SMTNL1: variants seen among roughly 807,000 people sequenced by gnomAD.
SMTNL1 encodes the protein smoothelin-like protein 1.
In SMTNL1, 41 loss-of-function variants were observed where a neutral mutation model predicts 46.6. That is an observed-to-expected ratio of 0.88 (90% CI 0.69 to 1.14). The LOEUF (loss-of-function observed/expected upper bound fraction) is 1.14. Among genes scored for constraint, SMTNL1 ranks in the 50% most tolerant of loss-of-function variants. The probability of loss-of-function intolerance (pLI) is 0.00; values close to 1 mark genes in which losing one functional copy is unlikely to be tolerated. For synonymous variants in SMTNL1, 234 were observed against 234.2 expected (o/e 1.00, Z 0.01); for missense variants, 591 against 626.1 (o/e 0.94, Z 0.60).
At position 57,544,207 on chromosome 11, in the gene SMTNL1, C is replaced by T. The variant is rs552012194; in HGVS notation, c.917+287C>T. Among the ~76,000 whole-genome samples the T allele has an allele frequency of 3.9e-5, 6 of 152,330 alleles. No individual in the cohort carries two copies. The South Asian group carries it at 8.3e-4, about 21-fold the overall frequency. On this transcript the variant is annotated intron_variant, in intron 4 of 7. Transcript: ENST00000527972. ...CCAGCCTGGCCAACATGGTGAAACC[C>T]TGTCTCTACCAAAAATACAAAAATT...
intron 7 of SMTNL1, 88 bp from the exon 8 acceptor site, chr11:57,549,880 G>A (rs749896988): frequency 9.9e-5 from 144 of 1,461,188 alleles, no homozygotes; most frequent in Non-Finnish European, 1.3e-4. Flanking sequence ...TATGGGCTTC[G>A]TCATTGCTGG....
intron 6 of SMTNL1, 54 bp downstream of exon 6, chr11:57,546,401 G>A (rs1279987911): frequency 1.5e-6 from 2 of 1,349,376 alleles, no homozygotes; most frequent in African/African-American, 3.0e-5. Context: ...GAGGGTCCAA[G>A]TGGTGCAAAC....
intron 1 of SMTNL1, among the ~76,000 whole-genome samples, chr11:57,540,728 T>C (rs36110554): frequency 6.6e-6 from 1 of 151,798 alleles, no homozygotes; most frequent in African/African-American, 2.4e-5. Context: ...TTTTTTTTTT[T>C]GAGACGGAGT....
chr11:57,546,864 G>C (rs1409422588), intron 7 of SMTNL1, among the ~76,000 whole-genome samples: 2 of 152,202 alleles, frequency 1.3e-5, no homozygotes, highest in South Asian at 2.1e-4. Context: ...CAAGCGCAGT[G>C]GCTCACTTGT....
intron 7 of SMTNL1, among the ~76,000 whole-genome samples, chr11:57,548,826 G>A (rs1439417365): frequency 6.6e-6 from 1 of 151,980 alleles, no homozygotes; most frequent in African/African-American, 2.4e-5. Context: ...ACTGTCTCCT[G>A]CCACAAGAAT....
chr11:57,537,861 G>A (rs981966668), intron 1 of SMTNL1, among the ~76,000 whole-genome samples: 12 of 152,308 alleles, frequency 7.9e-5, no homozygotes, highest in Middle Eastern at 3.4e-3. Flanking sequence ...GGCCATCCAC[G>A]AGGAGGCCAC....
intron 7 of SMTNL1, among the ~76,000 whole-genome samples, chr11:57,549,467 A>G (rs1471254070): frequency 6.6e-6 from 1 of 152,210 alleles, no homozygotes; most frequent in Non-Finnish European, 1.5e-5. Context: ...AATAAGTGCA[A>G]TGAAAATGTG....
chr11:57,545,988 G>C lies in SMTNL1; in HGVS notation c.1025G>C (p.Arg342Pro), dbSNP rs200048710. Residue 342 changes from arginine to proline, a missense_variant, in exon 5 of 8, where the codon CGG becomes CCG. Transcript: ENST00000527972. ...ERRVSAPARPRGPRAQNRKAI... is the reference protein window; with the variant it reads ...ERRVSAPARPPGPRAQNRKAI... ...AGGGTATCAGCCCCTGCTCGGCCCC[G>C]GGGGCCCCGGGCACAGAACCGCAAA... 1.9e-6 allele frequency: 3 copies of C among 1,605,228 alleles called. No homozygotes were observed. The highest frequency in any genetic ancestry group is 1.7e-6 in the Non-Finnish European group (2 of 1,176,516).
intron 7 of SMTNL1, among the ~76,000 whole-genome samples, chr11:57,549,062 G>A (rs191513427): frequency 7.1e-6 from 1 of 141,108 alleles, no homozygotes; most frequent in East Asian, 2.1e-4. Flanking sequence ...GTATCACTCT[G>A]TTGCCCAGGC....
At position 57,543,377 on chromosome 11, in the gene SMTNL1, G is replaced by A. The variant is rs1400788400; in HGVS notation, c.732+3G>A. The A allele has an allele frequency of 1.2e-6, 2 of 1,612,088 alleles. No homozygotes were observed. Among genetic ancestry groups the A allele is most frequent in the Non-Finnish European group, 1.7e-6 (2 of 1,178,824 alleles). On this transcript the variant is annotated splice_donor_region_variant and intron_variant, in intron 2 of 7. Coordinates refer to ENST00000527972, the MANE Select transcript of SMTNL1 (RefSeq NM_001105565.3). Reference sequence around the variant, plus strand: ...AGGCGGAGGATGCAGAGGAGGCAGTGAGTGAGGCAGGAAAGGAGCAAGGAG... The same window carrying A: ...AGGCGGAGGATGCAGAGGAGGCAGTAAGTGAGGCAGGAAAGGAGCAAGGAG...
In SMTNL1 at chr11:57,542,728, C is replaced by A. The variant is rs770063278; in HGVS notation, c.86C>A (p.Ala29Asp). The change falls in exon 2 of 8, where the codon GCC becomes GAC. Residue 29 changes from alanine to aspartate, a missense_variant. Physicochemically the swap from Ala to Asp is moderately radical, Grantham distance 126. Transcript: ENST00000527972. Reference sequence around the variant, plus strand: ...AACCCTGAGATGTCAGGAGGTGGAGCCCCTGCAGAGGAGACCAAAGGCACA... The same window carrying A: ...AACCCTGAGATGTCAGGAGGTGGAGACCCTGCAGAGGAGACCAAAGGCACA... ...ADNPEMSGGG[A>D]PAEETKGTAG... 3.1e-6 allele frequency: 5 copies of A among 1,613,748 alleles called. No individual in the cohort carries two copies. Among genetic ancestry groups the A allele is most frequent in the Non-Finnish European group, 4.2e-6 (5 of 1,179,848 alleles).
intron 7 of SMTNL1, among the ~76,000 whole-genome samples, chr11:57,549,063 T>C (rs1027795953): frequency 1.3e-5 from 2 of 151,398 alleles, no homozygotes; most frequent in Non-Finnish European, 2.9e-5. Context: ...TATCACTCTG[T>C]TGCCCAGGCA....
In SMTNL1 at chr11:57,543,498, G is replaced by T. The variant is rs184713220; in HGVS notation, c.732+124G>T. On this transcript the variant is annotated intron_variant, in intron 2 of 7. Transcript: ENST00000527972. ...CCTGATGATTTCCAGAGCCCAGGGT[G>T]GGGGAGGGGGGACAAGGAGTGCAGC... 7.9e-5 allele frequency: 120 copies of T among 1,515,664 alleles called. 1 individual carries two copies. In the African/African-American group the frequency reaches 1.4e-3, roughly 17 times the overall value. 93.9% of individuals were successfully genotyped at this position (1,515,664 alleles called of 1,614,324 possible).
chr11:57,544,445 A>G (rs1944906727), intron 4 of SMTNL1, among the ~76,000 whole-genome samples: 1 of 152,228 alleles, frequency 6.6e-6, no homozygotes, highest in East Asian at 1.9e-4. Flanking sequence ...TACCTGGTCC[A>G]CTTCCCATGC....
Position 57,546,651 on chromosome 11 carries a change from G to A in SMTNL1, c.1339G>A (p.Glu447Lys), listed in dbSNP as rs372829619. 4 of 1,612,814 alleles carry A rather than the reference G, an allele frequency of 2.5e-6. No individual in the cohort carries two copies. Among genetic ancestry groups the A allele is most frequent in the Non-Finnish European group, 3.4e-6 (4 of 1,179,466 alleles). ...HNFTLAFSTA[E>K]KLADCAQLLD... is the part of the protein sequence containing the mutation. Reference sequence around the variant, plus strand: ...CTTCACCCTGGCCTTCTCCACAGCAGAGTAAGCCACAGCCATGGGCTGGCA... The same window carrying A: ...CTTCACCCTGGCCTTCTCCACAGCAAAGTAAGCCACAGCCATGGGCTGGCA... Residue 447 changes from glutamate to lysine, a missense_variant and splice_region_variant, in exon 7 of 8, where the codon GAG becomes AAG. Transcript: ENST00000527972.
rs756566813 is a variant in SMTNL1 at position 57,546,262 on chromosome 11, G to A, written c.1103G>A (p.Arg368His). ...GAASGPTALF[R>H]NTKAAGAAIG... is the part of the protein sequence containing the mutation. ...GCTTCCGGCCCCACGGCCTTGTTCC[G>A]CAACACTAAGGCAGCCGGGGCAGCC... is the stretch of plus-strand genomic sequence containing the variant. Residue 368 changes from arginine (R) to histidine (H), a missense_variant, in exon 6 of 8, where the codon CGC becomes CAC. Coordinates refer to ENST00000527972, the MANE Select transcript of SMTNL1 (RefSeq NM_001105565.3). 1.2e-5 allele frequency: 20 copies of A among 1,608,554 alleles called. No homozygotes were observed. Among genetic ancestry groups the A allele is most frequent in the African/African-American group, 9.4e-5 (7 of 74,814 alleles).
In SMTNL1 at chr11:57,546,557, C is replaced by T. The variant is rs763280392; in HGVS notation, c.1245C>T (p.Ala415=). The T allele has an allele frequency of 3.1e-6, 5 of 1,614,050 alleles. No homozygotes were observed. The highest frequency in any genetic ancestry group is 3.3e-5 in the Admixed American group (2 of 60,002). Residue 415 remains alanine (A), a synonymous_variant, in exon 7 of 8, where the codon GCC becomes GCT. Transcript: ENST00000527972. The stretch of plus-strand genomic sequence containing the variant: ...GGAGCAGTGGTATGGCCTTCTGTGC[C>T]CTCATCCACAAGTTCTTCCCTGACG... ...SSWSSGMAFC[A]LIHKFFPDAF...
At chr11:57,541,000 T>C (rs545611177) in intron 1 of SMTNL1, among the ~76,000 whole-genome samples, 1 of 152,174 alleles carries the variant, frequency 6.6e-6, no homozygotes, top group African/African-American at 2.4e-5. Context: ...TGATCCACCA[T>C]GCCCGGCGTC....
intron 1 of SMTNL1, among the ~76,000 whole-genome samples, chr11:57,542,143 C>CA (rs142355688): frequency 6.7e-6 from 1 of 148,816 alleles, no homozygotes; most frequent in African/African-American, 2.5e-5. Context: ...CACACACACA[C>CA]AAAAATTAGC....
Sources: gnomAD v4.1 joint callset for allele counts (sites outside exome capture counted in the v4.1 genomes callset) on GRCh38, gnomAD v4.1.1 for gene constraint, MANE v1.5 for transcripts, NCBI Gene and HGNC (gene_info 2026-07-23, HGNC 2026-07-21) for gene names.